The following SLC24A2 variants were observed in gnomAD, a reference collection of about 807,000 sequenced individuals.
The protein encoded by SLC24A2 is sodium/potassium/calcium exchanger 2.
A neutral mutation model predicts 62.0 loss-of-function variants in SLC24A2; 36 were observed. That is an observed-to-expected ratio of 0.58 (90% CI 0.44 to 0.77). The LOEUF (loss-of-function observed/expected upper bound fraction) is 0.77, where lower values mean the gene tolerates loss of function less well. Among genes scored for constraint, SLC24A2 ranks in the 30% least tolerant of loss-of-function variants. SLC24A2 has a pLI of 0.00. For synonymous variants in SLC24A2, 358 were observed against 294.0 expected, an observed-to-expected ratio of 1.22 and a Z score of -2.23; for missense variants, 846 against 817.9, an observed-to-expected ratio of 1.03 and a Z score of -0.42.
chr9:19,556,081 C>T (rs1835075003), intron 7 of SLC24A2, among the ~76,000 whole-genome samples: 1 of 152,170 alleles, frequency 6.6e-6, no homozygotes, highest in Non-Finnish European at 1.5e-5. Context: ...TCTTACACAG[C>T]ACAGAAGACG....
At chr9:20,100,178 TTG>T in the SLC24A2 span, among the ~76,000 whole-genome samples, 10 of 151,392 alleles carry the variant, frequency 6.6e-5, no homozygotes, top group African/African-American at 9.7e-5. Context: ...GGCTAACTTT[TTG>T]TGTGTGTGTG....
chr9:19,559,757 A>C (rs1835298999), intron 7 of SLC24A2, among the ~76,000 whole-genome samples: 1 of 152,208 alleles, frequency 6.6e-6, no homozygotes, highest in Non-Finnish European at 1.5e-5. Context: ...ACTCCCACCC[A>C]AAACAGTGGC....
rs956171203 is a variant in SLC24A2 at position 19,599,901 on chromosome 9, A to G, written c.1079-2622T>C. On this transcript the variant is annotated intron_variant, in intron 4 of 10. Transcript: ENST00000341998. The surrounding 1 kb of genome is among the most constrained non-coding windows in gnomAD (Gnocchi z 4.5). The stretch of plus-strand genomic sequence containing the variant: ...GTGGCTTGCAACCAGCACACTCTCC[A>G]TAATGAATAACTAAGGCACTTTGAA... 2.0e-5 allele frequency among the ~76,000 whole-genome samples: 3 copies of G among 152,234 alleles called. No homozygotes were observed. Among genetic ancestry groups the G allele is most frequent in the Non-Finnish European group, 2.9e-5 (2 of 68,040 alleles).
At chr9:20,300,639 A>G in the SLC24A2 span, among the ~76,000 whole-genome samples, 1 of 152,122 alleles carries the variant, frequency 6.6e-6, no homozygotes, top group African/African-American at 2.4e-5. Context: ...ACCCAAGAAC[A>G]TTTCCTTCAA....
In SLC24A2 at chr9:19,787,119, G is replaced by A. The variant is rs377489510; in HGVS notation, c.-153-100C>T. 6.0e-5 allele frequency: 37 copies of A among 615,462 alleles called. 1 individual carries two copies. In the East Asian group the frequency reaches 1.3e-3, roughly 21 times the overall value. The allele number at this position is 615,462 out of a possible 1,614,324, so 38.1% of individuals were successfully genotyped here. A position where few individuals can be genotyped will look rare whatever the true frequency, so the allele number is the denominator to read the frequency against. On this transcript the variant is annotated intron_variant, in intron 1 of 10. Transcript: ENST00000341998. ...ATAAAGTCCTGTCCTGCAGCTGTGC[G>A]ATCTTGGGTAAGTTACTTAACTTCT...
the SLC24A2 span, among the ~76,000 whole-genome samples, chr9:19,917,887 T>C: frequency 2.6e-5 from 4 of 152,162 alleles, no homozygotes; most frequent in African/African-American, 9.6e-5. Flanking sequence ...AACAGTATTA[T>C]ATAAGTGTGG....
the SLC24A2 span, among the ~76,000 whole-genome samples, chr9:20,150,176 T>A: frequency 2.6e-5 from 4 of 151,990 alleles, no homozygotes; most frequent in African/African-American, 9.7e-5. Flanking sequence ...AGAAATAAGA[T>A]TCTGTTGTGT....
intron 2 of SLC24A2, among the ~76,000 whole-genome samples, chr9:19,760,855 T>C (rs1351997174): frequency 2.0e-5 from 3 of 147,374 alleles, no homozygotes; most frequent in African/African-American, 7.7e-5. Flanking sequence ...TAGGTGGAAA[T>C]TGAACAATGA....
chr9:19,821,011 C>A, the SLC24A2 span, among the ~76,000 whole-genome samples: 1 of 152,042 alleles, frequency 6.6e-6, no homozygotes, highest in African/African-American at 2.4e-5. Context: ...ACTTTTATTT[C>A]AAAACCTCTG....
chr9:20,014,495 GAT>G, the SLC24A2 span, among the ~76,000 whole-genome samples: 382 of 140,562 alleles, frequency 2.7e-3, 3 homozygotes, highest in South Asian at 8.8e-3. Flanking sequence ...AGAAAAATGT[GAT>G]ATATATATAT....
chr9:20,074,313 T>C, the SLC24A2 span, among the ~76,000 whole-genome samples: 4 of 152,002 alleles, frequency 2.6e-5, no homozygotes, highest in Non-Finnish European at 5.9e-5. Flanking sequence ...TAAGCACTAA[T>C]ACTCTGTTCT....
At position 19,526,122 on chromosome 9, in the gene SLC24A2, T is replaced by C. The variant is rs568434271; in HGVS notation, c.1569+1927A>G. Among the ~76,000 whole-genome samples, 12 of 152,332 alleles carry C rather than the reference T, an allele frequency of 7.9e-5. No homozygotes were observed. The South Asian group carries it at 2.5e-3, about 32-fold the overall frequency. ...ATCATATGATGTGTCCTTTTGTAAC[T>C]GGCTTTTTTCACTTAGCATAATATT... On this transcript the variant is annotated intron_variant, in intron 9 of 10. Coordinates refer to ENST00000341998, the MANE Select transcript of SLC24A2 (RefSeq NM_020344.4).
the SLC24A2 span, among the ~76,000 whole-genome samples, chr9:20,106,235 A>T: frequency 2.0e-5 from 3 of 152,148 alleles, no homozygotes; most frequent in South Asian, 2.1e-4. Flanking sequence ...GAGTCCAGGA[A>T]CAGATGGATT....
chr9:20,186,890 C>T, the SLC24A2 span, among the ~76,000 whole-genome samples: 1 of 152,180 alleles, frequency 6.6e-6, no homozygotes, highest in Admixed American at 6.5e-5. Context: ...CCTGTTTCTA[C>T]AACTTCATTC....
chr9:20,140,319 T>C, the SLC24A2 span, among the ~76,000 whole-genome samples: 7 of 152,192 alleles, frequency 4.6e-5, no homozygotes, highest in Middle Eastern at 3.2e-3. Flanking sequence ...AACCTGCTTC[T>C]GCCAGCGTTG....
the SLC24A2 span, among the ~76,000 whole-genome samples, chr9:20,252,792 A>G: frequency 6.6e-6 from 1 of 152,196 alleles, no homozygotes; most frequent in Non-Finnish European, 1.5e-5. Context: ...CATGTCTCCA[A>G]AAAACATGGG....
At chr9:19,802,618 C>A in the SLC24A2 span, among the ~76,000 whole-genome samples, 1 of 152,102 alleles carries the variant, frequency 6.6e-6, no homozygotes, top group Non-Finnish European at 1.5e-5. Flanking sequence ...ACAAAGGAGA[C>A]ACAATCATTT....
intron 8 of SLC24A2, among the ~76,000 whole-genome samples, chr9:19,547,485 C>T (rs531875289): frequency 6.6e-6 from 1 of 152,268 alleles, no homozygotes; most frequent in East Asian, 1.9e-4. Flanking sequence ...CAAAAGTTAC[C>T]AGTTAGGAAG....
chr9:20,179,656 G>C, the SLC24A2 span, among the ~76,000 whole-genome samples: 3 of 152,158 alleles, frequency 2.0e-5, no homozygotes, highest in Non-Finnish European at 4.4e-5. Context: ...CAAAGACAGT[G>C]CTTTATCCCA....
Sources: gnomAD v4.1 joint callset for allele counts (sites outside exome capture counted in the v4.1 genomes callset) on GRCh38, gnomAD v4.1.1 for gene constraint, Gnocchi (gnomAD v3.1) non-coding constraint, MANE v1.5 for transcripts, NCBI Gene and HGNC (gene_info 2026-07-23, HGNC 2026-07-21) for gene names.